SH3TC1: variants seen among roughly 807,000 people sequenced by gnomAD.
The protein encoded by SH3TC1 is SH3 domain and tetratricopeptide repeats 1.
Under a neutral mutation model 117.3 loss-of-function variants are expected in SH3TC1, and 135 were observed. The observed-to-expected ratio is 1.15, with a 90% CI of 1.00 to 1.33. The LOEUF (loss-of-function observed/expected upper bound fraction) is 1.33, where lower values mean the gene tolerates loss of function less well. Among genes scored for constraint, SH3TC1 ranks in the 40% most tolerant of loss-of-function variants. The pLI, the probability that SH3TC1 is intolerant of heterozygous loss-of-function variation, is 0.00. For missense variants in SH3TC1, 2,092 were observed against 1,794.3 expected, an observed-to-expected ratio of 1.17 and a Z score of -3.00; for synonymous variants, 898 against 816.9, an observed-to-expected ratio of 1.10 and a Z score of -1.69.
rs745393538 is a variant in SH3TC1 at position 8,217,018 on chromosome 4, A to C, written c.690A>C (p.Ala230=). Residue 230 remains alanine, a synonymous_variant, in exon 7 of 18, where the codon GCA becomes GCC. Transcript: ENST00000245105. ...GAGTGATGACGGGTCCCCGGGATGC[A>C]GGAAATGGCCCCCAGGCCCTCAGGC... ...HVRVMTGPRD[A]GNGPQALRQA... 22 of 1,613,694 alleles carry C rather than the reference A, an allele frequency of 1.4e-5. No individual in the cohort carries two copies. In the African/African-American group the frequency reaches 2.7e-4, roughly 20 times the overall value.
chr4:8,209,776 G>A lies in SH3TC1; in HGVS notation c.201G>A (p.Gly67=), dbSNP rs774945209. ...AGGCTCCTCCTGCCCGCGTGGCTGGGCCTGCTGCTGGGACCCCTCCCTGCC... is the reference window on the plus strand; with the variant it reads ...AGGCTCCTCCTGCCCGCGTGGCTGGACCTGCTGCTGGGACCCCTCCCTGCC... ...GDEAPPARVA[G]PAAGTPPCQM... Residue 67 remains glycine, a synonymous_variant, in exon 3 of 18, where the codon GGG becomes GGA. Transcript: ENST00000245105. This position sits in a 1 kb window ranked among gnomAD's most constrained non-coding sequence, Gnocchi z 5.9. The A allele has an allele frequency of 3.7e-6, 6 of 1,613,666 alleles. No homozygotes were observed. The highest frequency in any genetic ancestry group is 3.3e-5 in the Admixed American group (2 of 60,012).
At chr4:8,226,783 G>A (rs965911616) in intron 11 of SH3TC1, among the ~76,000 whole-genome samples, 197 bp from the exon 12 acceptor site, 6 of 152,194 alleles carry the variant, frequency 3.9e-5, no homozygotes, top group African/African-American at 1.4e-4. Context: ...CCACAGTGCC[G>A]GAGTTCCTAT....
chr4:8,189,735 C>G (rs1717355858), intron 1 of SH3TC1, among the ~76,000 whole-genome samples: 1 of 152,202 alleles, frequency 6.6e-6, no homozygotes. Context: ...ATCAGAGAGG[C>G]AGACGGTGGC....
In SH3TC1 at chr4:8,190,541, G is replaced by A. The variant is rs1717384809; in HGVS notation, c.-57+8331G>A. 6.6e-6 allele frequency among the ~76,000 whole-genome samples: 1 copy of A among 152,110 alleles called. No homozygotes were observed. Among genetic ancestry groups the A allele is most frequent in the Admixed American group, 6.5e-5 (1 of 15,278 alleles). ...GGCAGCCTTGCAGCCCCTGCTGTGTGCCCTCATCTGGGACCTTCTCCTCTG... is the reference window on the plus strand; with the variant it reads ...GGCAGCCTTGCAGCCCCTGCTGTGTACCCTCATCTGGGACCTTCTCCTCTG... On this transcript the variant is annotated intron_variant, in intron 1 of 16. Coordinates refer to the SH3TC1 transcript ENST00000508641. This position sits in a 1 kb window ranked among gnomAD's most constrained non-coding sequence, Gnocchi z 4.7.
upstream of SH3TC1, among the ~76,000 whole-genome samples, chr4:8,194,952 A>G (rs1717515828): frequency 6.6e-6 from 1 of 152,140 alleles, no homozygotes; most frequent in Non-Finnish European, 1.5e-5. Flanking sequence ...TGAGGAACAC[A>G]GGTTTGGTGC....
At chr4:8,239,731 G>A (rs1448889918) in intron 17 of SH3TC1, among the ~76,000 whole-genome samples, 1 of 152,236 alleles carries the variant, frequency 6.6e-6, no homozygotes, top group African/African-American at 2.4e-5. Context: ...GGCTGAGTCT[G>A]GGGCCTCCTG....
chr4:8,233,435 G>A lies in SH3TC1; in HGVS notation c.3204G>A (p.Lys1068=), dbSNP rs748856273. Reference sequence around the variant, plus strand: ...TCATTGACCTCCAGAAGAAAGAGAAGGAGGCGCATGCCTGGCTGCAAGCAG... The same window carrying A: ...TCATTGACCTCCAGAAGAAAGAGAAAGAGGCGCATGCCTGGCTGCAAGCAG... ...GIFIDLQKKE[K]EAHAWLQAGK... Residue 1068 remains lysine (K), a synonymous_variant, in exon 14 of 18, where the codon AAG becomes AAA. Transcript: ENST00000245105. 6.2e-7 allele frequency: 1 copy of A among 1,613,944 alleles called. No individual in the cohort carries two copies. The highest frequency in any genetic ancestry group is 8.5e-7 in the Non-Finnish European group (1 of 1,179,910).
intron 16 of SH3TC1, 142 bp downstream of exon 16, chr4:8,236,570 C>T (rs1721838155): frequency 1.7e-6 from 2 of 1,169,374 alleles, no homozygotes; most frequent in South Asian, 3.5e-5. Context: ...GCTGGCTCCC[C>T]CGTCCGGCCG....
At position 8,227,543 on chromosome 4, in the gene SH3TC1, C is replaced by T. The variant is rs113895641; in HGVS notation, c.1849C>T (p.Arg617Trp). Reference protein sequence around the residue: ...LASIYRKQKNREKCAQVVPKA... With the variant: ...LASIYRKQKNWEKCAQVVPKA... ...CAGCATTTACCGGAAGCAGAAGAAC[C>T]GGGAGAAGTGTGCACAGGTGGTGCC... The change falls in exon 12 of 18, where the codon CGG becomes TGG. Residue 617 changes from arginine to tryptophan, a missense_variant. By Grantham distance (101) the Arg-to-Trp change is moderately radical. Transcript: ENST00000245105. 965 of 1,531,152 alleles carry T rather than the reference C, an allele frequency of 6.3e-4. 4 individuals carry two copies. The African/African-American group carries it at 0.011, about 18-fold the overall frequency. The allele number at this position is 1,531,152 out of a possible 1,614,324, so 94.8% of individuals were successfully genotyped here.
rs753403398 is a variant in SH3TC1 at position 8,217,141 on chromosome 4, C to T, written c.813C>T (p.Ala271=). 11 of 1,611,508 alleles carry T rather than the reference C, an allele frequency of 6.8e-6. No individual in the cohort carries two copies. The East Asian group carries it at 1.8e-4, about 26-fold the overall frequency. Residue 271 remains alanine (A), a synonymous_variant, in exon 7 of 18, where the codon GCC becomes GCT. Transcript: ENST00000245105. ...CCGAGGAGGTGGCAGTGGCGGCCGC[C>T]CCGGAGCCTTTGATTCCATTTCATC... ...VSSEEVAVAA[A]PEPLIPFHQW... is the part of the protein sequence containing the mutation.
intron 17 of SH3TC1, among the ~76,000 whole-genome samples, chr4:8,239,586 G>A (rs1246476245): frequency 2.7e-5 from 4 of 150,406 alleles, no homozygotes; most frequent in East Asian, 2.0e-4. Context: ...AGAGGCACAC[G>A]CACACAGGCA....
Position 8,227,379 on chromosome 4 carries a change from T to C in SH3TC1, c.1685T>C (p.Leu562Pro), listed in dbSNP as rs753691516. The stretch of plus-strand genomic sequence containing the variant: ...GGCCTCCTCATGGCCCTGGCCAGGC[T>C]CTGCTTCCTCCTGGGGCGGCTGTGC... ...KAGLLMALAR[L>P]CFLLGRLCSR... The change falls in exon 12 of 18, where the codon CTC becomes CCC. Residue 562 changes from leucine (L) to proline (P), a missense_variant. By Grantham distance (98) the Leu-to-Pro change is moderately conservative. Coordinates refer to ENST00000245105, the MANE Select transcript of SH3TC1 (RefSeq NM_018986.5). The C allele has an allele frequency of 3.2e-6, 5 of 1,561,570 alleles. No homozygotes were observed. In the East Asian group the frequency reaches 9.0e-5, roughly 28 times the overall value.
At chr4:8,230,641 C>T (rs780062216) in intron 12 of SH3TC1, among the ~76,000 whole-genome samples, 20 of 151,986 alleles carry the variant, frequency 1.3e-4, no homozygotes, top group Non-Finnish European at 2.2e-4. Flanking sequence ...TTAGTTCATT[C>T]TTCTTTTTCT....
At position 8,183,393 on chromosome 4, in the gene SH3TC1, C is replaced by G. The variant is rs772158589; in HGVS notation, c.-57+1183C>G. ...ATGACCAGAAACCGGCCCTGCCCCA[C>G]GCATCTCTGTGATTAACTCACTCCC... On this transcript the variant is annotated intron_variant, in intron 1 of 16. Coordinates refer to the SH3TC1 transcript ENST00000508641. The surrounding 1 kb of genome is among the most constrained non-coding windows in gnomAD (Gnocchi z 5.4). Among the ~76,000 whole-genome samples the G allele has an allele frequency of 1.3e-5, 2 of 152,116 alleles. No individual in the cohort carries two copies. The highest frequency in any genetic ancestry group is 2.9e-5 in the Non-Finnish European group (2 of 68,004).
At chr4:8,215,982 G>A (rs1316926453) in intron 5 of SH3TC1, 129 bp from the exon 6 acceptor site, 4 of 1,165,238 alleles carry the variant, frequency 3.4e-6, no homozygotes, top group Non-Finnish European at 4.8e-6. Flanking sequence ...CCCCAGGGCA[G>A]GTGGGTGTCT....
intron 1 of SH3TC1, among the ~76,000 whole-genome samples, chr4:8,193,884 C>T (rs984888910): frequency 6.6e-6 from 1 of 152,234 alleles, no homozygotes; most frequent in African/African-American, 2.4e-5. Flanking sequence ...CAAGATGATT[C>T]ACTGCAGAGA....
rs140888458 is a variant in SH3TC1 at position 8,237,666 on chromosome 4, T to C, written c.3749T>C (p.Leu1250Pro). ...CTCGGTGACATCATCTTCTACGACC[T>C]GAAGGTGGGTGGGGAGGGGCTGGGC... The part of the protein sequence containing the change: ...LVLGDIIFYD[L>P]KDPFDAAGYY... Residue 1250 changes from leucine to proline, a missense_variant, in exon 17 of 18, where the codon CTG becomes CCG. Coordinates refer to ENST00000245105, the MANE Select transcript of SH3TC1 (RefSeq NM_018986.5). The C allele has an allele frequency of 1.6e-4, 255 of 1,595,956 alleles. No homozygotes were observed. Among genetic ancestry groups the C allele is most frequent in the Non-Finnish European group, 2.0e-4 (236 of 1,169,350 alleles).
At chr4:8,228,757 T>G in intron 12 of SH3TC1, 113 bp downstream of exon 12, 1 of 952,744 alleles carries the variant, frequency 1.0e-6, no homozygotes, top group Non-Finnish European at 1.5e-6. Context: ...AAGTGCTGAG[T>G]CATGGCAAAC....
At chr4:8,191,377 G>A (rs775355909) in intron 1 of SH3TC1, among the ~76,000 whole-genome samples, 9 of 152,230 alleles carry the variant, frequency 5.9e-5, no homozygotes, top group African/African-American at 9.6e-5. Flanking sequence ...CCTCCGACCC[G>A]GCGGCCCAGC....
Sources: allele counts gnomAD v4.1 joint callset (sites outside exome capture counted in the v4.1 genomes callset), GRCh38; gene constraint gnomAD v4.1.1; non-coding constraint Gnocchi (gnomAD v3.1); transcripts MANE v1.5; gene names NCBI Gene and HGNC (gene_info 2026-07-23, HGNC 2026-07-21).